GGH: variants seen among roughly 807,000 people sequenced by gnomAD.
The protein encoded by GGH is gamma-Glu-X carboxypeptidase.
GGH carries 18 observed loss-of-function variants against 39.2 expected under a neutral mutation model. The ratio of observed to expected loss-of-function variants is 0.46; its 90% CI spans 0.32 to 0.68. GGH has a LOEUF of 0.68. GGH is among the 30% of genes least tolerant of loss of function. The pLI is 0.04. For missense variants in GGH, 367 were observed against 384.1 expected (o/e 0.96, Z 0.37); for synonymous variants, 147 against 138.8 (o/e 1.06, Z -0.42).
At chr8:63,037,699 C>G (rs1372592372) in intron 1 of GGH, among the ~76,000 whole-genome samples, 1 of 152,180 alleles carries the variant, frequency 6.6e-6, no homozygotes, top group Non-Finnish European at 1.5e-5. Context: ...GAAGAATCCC[C>G]TCTGCTTTTT....
Position 63,023,878 on chromosome 8 carries a change from A to G in GGH, c.697+29T>C, listed in dbSNP as rs766401745. 20 of 1,339,056 alleles carry G rather than the reference A, an allele frequency of 1.5e-5. 1 individual carries two copies. The South Asian group carries it at 3.5e-4, about 23-fold the overall frequency. 82.9% of individuals were successfully genotyped at this position (1,339,056 alleles called of 1,614,324 possible). A position where few individuals can be genotyped will look rare whatever the true frequency, so the allele number is the denominator to read the frequency against. Reference sequence around the variant, plus strand: ...AAATTTAAAAATATAAAATAAGTGAAATAAAGTATACATGTTATAGTGATA... The same window carrying G: ...AAATTTAAAAATATAAAATAAGTGAGATAAAGTATACATGTTATAGTGATA... On this transcript the variant is annotated intron_variant, in intron 7 of 8. Coordinates refer to ENST00000260118, the MANE Select transcript of GGH (RefSeq NM_003878.3).
intron 1 of GGH, among the ~76,000 whole-genome samples, chr8:63,037,044 T>C (rs913538286): frequency 6.6e-6 from 1 of 152,192 alleles, no homozygotes; most frequent in Non-Finnish European, 1.5e-5. Flanking sequence ...CCTACTCCTA[T>C]TCAGCACTTC....
At chr8:63,021,988 T>C (rs562270580) in intron 7 of GGH, among the ~76,000 whole-genome samples, 1 of 152,326 alleles carries the variant, frequency 6.6e-6, no homozygotes, top group South Asian at 2.1e-4. Flanking sequence ...TATCCATTTT[T>C]AATAAGCTAT....
chr8:63,024,766 G>A (rs1262812363), intron 5 of GGH: 1 of 152,152 alleles, frequency 6.6e-6, no homozygotes, highest in East Asian at 1.9e-4. Context: ...CGTTTTCAAG[G>A]CGATAGTGCC....
chr8:63,017,853 G>A lies in GGH; in HGVS notation c.698-223C>T, dbSNP rs114496452. ...AGCAACCTTTTACAATCTGTAGGACGATTTGCTTTTCGAGATACTCATAGC... is the reference window on the plus strand; with the variant it reads ...AGCAACCTTTTACAATCTGTAGGACAATTTGCTTTTCGAGATACTCATAGC... On this transcript the variant is annotated intron_variant, in intron 7 of 8. Coordinates refer to ENST00000260118, the MANE Select transcript of GGH (RefSeq NM_003878.3). 3.9e-3 allele frequency: 1,592 copies of A among 410,556 alleles called. 31 individuals are homozygous for A. Among genetic ancestry groups the A allele is most frequent in the African/African-American group, 0.031 (1,501 of 48,374 alleles). 25.4% of individuals were successfully genotyped at this position (410,556 alleles called of 1,614,324 possible). A position where few individuals can be genotyped will look rare whatever the true frequency, so the allele number is the denominator to read the frequency against.
chr8:63,019,899 T>C (rs974368861), intron 7 of GGH, among the ~76,000 whole-genome samples: 3 of 152,210 alleles, frequency 2.0e-5, no homozygotes, highest in African/African-American at 7.2e-5. Context: ...AGGGCACTCA[T>C]TTCTGTTAAT....
chr8:63,030,494 C>T (rs1448133267), intron 2 of GGH, among the ~76,000 whole-genome samples: 1 of 151,930 alleles, frequency 6.6e-6, no homozygotes, highest in African/African-American at 2.4e-5. Context: ...CAGTAAAGAC[C>T]GTGAGATTTG....
In GGH at chr8:63,038,692, G is replaced by A. The variant is rs772951871; in HGVS notation, c.77C>T (p.Pro26Leu). The A allele has an allele frequency of 6.3e-7, 1 of 1,579,792 alleles. No individual in the cohort carries two copies. Among genetic ancestry groups the A allele is most frequent in the Non-Finnish European group, 8.6e-7 (1 of 1,162,316 alleles). Residue 26 changes from proline (P) to leucine (L), a missense_variant, in exon 1 of 9, where the codon CCC (proline) becomes CTC (leucine). Physicochemically the swap from Pro to Leu is moderately conservative, Grantham distance 98. Coordinates refer to ENST00000260118, the MANE Select transcript of GGH (RefSeq NM_003878.3). ...GGGCTTCTTGGCGGTGTCGCCGTGG[G>A]GTCTAGACAGCTCGAGGCTCGCCGC... ...CGAASLELSR[P>L]HGDTAKKPII...
intron 3 of GGH, among the ~76,000 whole-genome samples, chr8:63,029,667 AG>A (rs1157924572): frequency 6.6e-6 from 1 of 152,176 alleles, no homozygotes. Context: ...GTTTCCTCAC[AG>A]GCCCCATAGA....
intron 1 of GGH, among the ~76,000 whole-genome samples, chr8:63,036,679 A>G (rs1319499727): frequency 6.6e-6 from 1 of 152,216 alleles, no homozygotes; most frequent in Non-Finnish European, 1.5e-5. Flanking sequence ...GAGGTGACAG[A>G]GTAAACCACA....
intron 1 of GGH, among the ~76,000 whole-genome samples, chr8:63,037,184 C>A (rs1426167261): frequency 6.6e-6 from 1 of 151,924 alleles, no homozygotes. Flanking sequence ...ACATGTCAAA[C>A]GCCAAAATTT....
intron 8 of GGH, 97 bp from the exon 9 acceptor site, chr8:63,015,550 G>T: frequency 1.5e-6 from 1 of 675,960 alleles, no homozygotes; most frequent in Non-Finnish European, 2.4e-6. Context: ...ATTATTAAGT[G>T]GGAAAATATC....
intron 3 of GGH, chr8:63,028,580 G>C (rs3780127): frequency 6.6e-6 from 1 of 152,022 alleles, no homozygotes; most frequent in Non-Finnish European, 1.5e-5. Flanking sequence ...ATTAGAATAC[G>C]GCTCATTTTC....
intron 5 of GGH, chr8:63,025,087 T>C (rs1409976359): frequency 1.3e-5 from 2 of 152,192 alleles, no homozygotes; most frequent in East Asian, 3.9e-4. Flanking sequence ...CCCACAATAA[T>C]CATTATCTAT....
At chr8:63,020,921 TGC>T (rs1804573521) in intron 7 of GGH, among the ~76,000 whole-genome samples, 4 of 152,202 alleles carry the variant, frequency 2.6e-5, no homozygotes, top group Non-Finnish European at 5.9e-5. Flanking sequence ...AAGAGGCTGC[TGC>T]TGCAGCAATC....
chr8:63,018,707 T>TG (rs1804531446), intron 7 of GGH, among the ~76,000 whole-genome samples: 2 of 152,206 alleles, frequency 1.3e-5, no homozygotes, highest in South Asian at 2.1e-4. Flanking sequence ...ACCCACAGGC[T>TG]GGGGGACTAG....
intron 1 of GGH, among the ~76,000 whole-genome samples, 173 bp downstream of exon 1, chr8:63,038,487 A>G (rs1437772483): frequency 6.6e-6 from 1 of 152,278 alleles, no homozygotes; most frequent in Non-Finnish European, 1.5e-5. Context: ...AACCAGGTAC[A>G]TTTCAGTACG....
intron 3 of GGH, among the ~76,000 whole-genome samples, chr8:63,027,668 A>T (rs1804719290): frequency 6.6e-6 from 1 of 152,174 alleles, no homozygotes; most frequent in African/African-American, 2.4e-5. Flanking sequence ...AATTATGGGT[A>T]GGTTTTAGCT....
intron 7 of GGH, among the ~76,000 whole-genome samples, chr8:63,021,636 T>A (rs922199507): frequency 6.6e-6 from 1 of 151,936 alleles, no homozygotes; most frequent in Non-Finnish European, 1.5e-5. Context: ...ACAATCAAGT[T>A]TTTTTGGATG....
Sources: gnomAD v4.1 joint callset for allele counts (sites outside exome capture counted in the v4.1 genomes callset) on GRCh38, gnomAD v4.1.1 for gene constraint, MANE v1.5 for transcripts, NCBI Gene and HGNC (gene_info 2026-07-23, HGNC 2026-07-21) for gene names.